Variants in XKR4 observed in about 807,000 individuals in gnomAD.
XKR4 encodes the protein XK-related protein 4.
Under a neutral mutation model 53.9 loss-of-function variants are expected in XKR4, and 12 were observed. That is an observed-to-expected ratio of 0.22 (90% CI 0.14 to 0.36). The LOEUF is 0.36. XKR4 is among the 10% of genes least tolerant of loss of function. The pLI is 1.00. For missense variants in XKR4, 799 were observed against 859.5 expected (o/e 0.93, Z 0.88); for synonymous variants, 354 against 362.4 (o/e 0.98, Z 0.26).
Position 55,102,779 on chromosome 8 carries a change from C to T in XKR4, c.291C>T (p.Cys97=), listed in dbSNP as rs1343131575. The T allele has an allele frequency of 2.5e-6, 4 of 1,576,218 alleles. No individual in the cohort carries two copies. Among genetic ancestry groups the T allele is most frequent in the Non-Finnish European group, 3.4e-6 (4 of 1,168,624 alleles). ...GCGGGGCGGGCTCGGCTGCGCTGTG[C>T]CTGCGCCTGGGCAGGGAGCAGCGGC... ...GGGGAGSAAL[C]LRLGREQRRY... is the part of the protein sequence containing the mutation. Residue 97 remains cysteine, a synonymous_variant, in exon 1 of 3, where the codon TGC becomes TGT. Transcript: ENST00000327381. This position sits in a 1 kb window ranked among gnomAD's most constrained non-coding sequence, Gnocchi z 5.1.
At chr8:55,449,873 T>G in intron 2 of XKR4, 1 of 935,158 alleles carries the variant, frequency 1.1e-6, no homozygotes, top group Non-Finnish European at 1.8e-6. Context: ...GCTGTAAGGG[T>G]GCTGGTGCTG....
At chr8:55,142,119 C>T in intron 1 of XKR4, 1 of 456,122 alleles carries the variant, frequency 2.2e-6, no homozygotes, top group South Asian at 1.5e-5. Flanking sequence ...TCTCTCCTCC[C>T]TACCTCCATT....
At chr8:55,229,278 T>C (rs572216205) in intron 1 of XKR4, among the ~76,000 whole-genome samples, 7 of 152,276 alleles carry the variant, frequency 4.6e-5, no homozygotes, top group African/African-American at 1.7e-4. Flanking sequence ...CTCAGACCAA[T>C]GCTCCTGGAC....
intron 1 of XKR4, among the ~76,000 whole-genome samples, chr8:55,344,787 G>A (rs1412241099): frequency 6.6e-6 from 1 of 152,318 alleles, no homozygotes. Context: ...TGGCCATAGT[G>A]CCTACTACAG....
intron 2 of XKR4, among the ~76,000 whole-genome samples, chr8:55,479,693 C>T (rs561315068): frequency 1.1e-3 from 166 of 151,878 alleles, no homozygotes; most frequent in African/African-American, 3.9e-3. Flanking sequence ...ATCAAATAGG[C>T]GCAATAAAAA....
chr8:55,294,756 T>A (rs2067777), intron 1 of XKR4, among the ~76,000 whole-genome samples: 6,007 of 152,288 alleles, frequency 0.039, 301 homozygotes, highest in African/African-American at 0.11. Context: ...TTCTATCAGT[T>A]AGACACCTGC....
chr8:55,131,889 T>C (rs2129353130), intron 1 of XKR4, among the ~76,000 whole-genome samples: 1 of 152,346 alleles, frequency 6.6e-6, no homozygotes, highest in Middle Eastern at 3.4e-3. Context: ...CTAATATTTG[T>C]TACAGTGAGC....
At chr8:55,144,376 T>A (rs562523898) in intron 1 of XKR4, among the ~76,000 whole-genome samples, 129 of 150,424 alleles carry the variant, frequency 8.6e-4, no homozygotes, top group African/African-American at 3.0e-3. Flanking sequence ...AAATTTACTT[T>A]AAAAAAAAAA....
At chr8:55,482,563 A>C in intron 2 of XKR4, among the ~76,000 whole-genome samples, 1 of 69,100 alleles carries the variant, frequency 1.4e-5, no homozygotes, top group South Asian at 3.5e-4. Flanking sequence ...AAAATTAAAA[A>C]TAAATAAATA....
At chr8:55,400,392 G>T (rs1232367774) in intron 2 of XKR4, among the ~76,000 whole-genome samples, 1 of 152,178 alleles carries the variant, frequency 6.6e-6, no homozygotes, top group Non-Finnish European at 1.5e-5. Flanking sequence ...CCAGGTTCTG[G>T]TGTCTGGTGT....
intron 2 of XKR4, among the ~76,000 whole-genome samples, chr8:55,437,632 T>A (rs561488885): frequency 6.6e-6 from 1 of 152,354 alleles, no homozygotes; most frequent in East Asian, 1.9e-4. Flanking sequence ...GCTCACTGTG[T>A]AAGCTGCACA....
chr8:55,267,504 T>G lies in XKR4; in HGVS notation c.807-90174T>G, dbSNP rs546043849. 5.4e-4 allele frequency among the ~76,000 whole-genome samples: 82 copies of G among 152,280 alleles called. 1 individual carries two copies. In the South Asian group the frequency reaches 0.017, roughly 31 times the overall value. ...GTTGGCATAATGCACACCTAGCTGCTGAAACAGACAATTCCCAAAGCAAAG... is the reference window on the plus strand; with the variant it reads ...GTTGGCATAATGCACACCTAGCTGCGGAAACAGACAATTCCCAAAGCAAAG... On this transcript the variant is annotated intron_variant, in intron 1 of 2. Coordinates refer to ENST00000327381, the MANE Select transcript of XKR4 (RefSeq NM_052898.2).
chr8:55,345,079 C>T (rs934307382), intron 1 of XKR4, among the ~76,000 whole-genome samples: 2 of 152,062 alleles, frequency 1.3e-5, no homozygotes, highest in African/African-American at 4.8e-5. Context: ...GTCAGGAGTT[C>T]AAGACAAGCC....
chr8:55,282,006 C>T (rs898637044), intron 1 of XKR4, among the ~76,000 whole-genome samples: 12 of 152,314 alleles, frequency 7.9e-5, no homozygotes, highest in African/African-American at 2.6e-4. Context: ...ACAAAGTAAC[C>T]CTGATGTCAG....
At chr8:55,187,882 C>A (rs1398283395) in intron 1 of XKR4, among the ~76,000 whole-genome samples, 2 of 152,194 alleles carry the variant, frequency 1.3e-5, no homozygotes, top group East Asian at 3.8e-4. Flanking sequence ...TAAGCAATTT[C>A]TTGCATTTAA....
intron 1 of XKR4, among the ~76,000 whole-genome samples, chr8:55,331,543 G>A (rs1803384408): frequency 6.6e-6 from 1 of 152,040 alleles, no homozygotes; most frequent in African/African-American, 2.4e-5. Context: ...TGAAGGTCAG[G>A]TATTGAAGTC....
chr8:55,450,089 G>T (rs1020913688), intron 2 of XKR4: 2 of 716,858 alleles, frequency 2.8e-6, no homozygotes, highest in East Asian at 5.7e-5. Flanking sequence ...GCCTTCACGC[G>T]GTCCCAGGTG....
intron 2 of XKR4, among the ~76,000 whole-genome samples, chr8:55,456,544 T>C (rs1805573372): frequency 1.3e-5 from 2 of 152,230 alleles, no homozygotes; most frequent in Admixed American, 6.5e-5. Context: ...ATGTCTATGA[T>C]TCCATAAATA....
chr8:55,453,802 G>C (rs561265661), intron 2 of XKR4: 4 of 448,842 alleles, frequency 8.9e-6, no homozygotes, highest in African/African-American at 7.9e-5. Context: ...GGACTCATTG[G>C]GGGTGGTTCT....
Sources: allele counts gnomAD v4.1 joint callset (sites outside exome capture counted in the v4.1 genomes callset), GRCh38; gene constraint gnomAD v4.1.1; non-coding constraint Gnocchi (gnomAD v3.1); transcripts MANE v1.5; gene names NCBI Gene and HGNC (gene_info 2026-07-23, HGNC 2026-07-21).